Variants in PTPRD observed in about 807,000 individuals in gnomAD.
The protein encoded by PTPRD is receptor-type tyrosine-protein phosphatase delta.
PTPRD carries 34 observed loss-of-function variants against 214.5 expected under a neutral mutation model. That is an observed-to-expected ratio of 0.16 (90% confidence interval 0.12 to 0.21). The LOEUF (loss-of-function observed/expected upper bound fraction) is 0.21. Among genes scored for constraint, PTPRD ranks in the 10% least tolerant of loss-of-function variants. The pLI is 1.00. For synonymous variants in PTPRD, 1,128 were observed against 845.7 expected (o/e 1.33, Z -5.79); for missense variants, 2,545 against 2,398.7 (o/e 1.06, Z -1.27).
intron 14 of PTPRD, among the ~76,000 whole-genome samples, chr9:8,571,689 A>G (rs1594170865): frequency 6.6e-6 from 1 of 152,136 alleles, no homozygotes; most frequent in East Asian, 1.9e-4. Context: ...ATAAATAGAT[A>G]GTGTAAGTGG....
intron 4 of PTPRD, among the ~76,000 whole-genome samples, chr9:9,947,473 A>T (rs867739497): frequency 1.5e-4 from 5 of 32,810 alleles, no homozygotes; most frequent in Non-Finnish European, 9.2e-5. Context: ...ACTATATATT[A>T]TATATATTTT....
At chr9:9,827,327 G>C (rs1225794012) in intron 5 of PTPRD, among the ~76,000 whole-genome samples, 1 of 152,054 alleles carries the variant, frequency 6.6e-6, no homozygotes, top group Admixed American at 6.6e-5. Context: ...CAATGGAACA[G>C]AACAGAGCCC....
At chr9:9,073,438 C>A (rs1416368636) in intron 10 of PTPRD, among the ~76,000 whole-genome samples, 3 of 152,092 alleles carry the variant, frequency 2.0e-5, no homozygotes, top group Non-Finnish European at 4.4e-5. Context: ...GTTGTTTGGT[C>A]AAACACTTGT....
At chr9:9,301,561 T>G (rs1476559641) in intron 9 of PTPRD, among the ~76,000 whole-genome samples, 2 of 151,938 alleles carry the variant, frequency 1.3e-5, no homozygotes, top group Non-Finnish European at 2.9e-5. Context: ...TGTATTTACA[T>G]AATTTGTCAT....
intron 5 of PTPRD, among the ~76,000 whole-genome samples, chr9:9,839,089 T>C (rs989993603): frequency 3.9e-5 from 6 of 152,174 alleles, no homozygotes; most frequent in Non-Finnish European, 7.3e-5. Context: ...ATATGCGGCG[T>C]TATTTTTGAG....
At chr9:9,807,741 G>A (rs976832814) in intron 5 of PTPRD, among the ~76,000 whole-genome samples, 4 of 152,000 alleles carry the variant, frequency 2.6e-5, no homozygotes, top group Admixed American at 6.6e-5. Context: ...ATTCTTGATC[G>A]CTGAAAATTT....
chr9:10,121,083 T>C (rs1563944629), intron 3 of PTPRD, among the ~76,000 whole-genome samples: 1 of 152,176 alleles, frequency 6.6e-6, no homozygotes, highest in Admixed American at 6.6e-5. Context: ...GTCAAGGGTG[T>C]TTTTAAAATA....
chr9:9,716,683 C>T lies in PTPRD; in HGVS notation c.-287+17850G>A, dbSNP rs185950400. Reference sequence around the variant, plus strand: ...AGAAGTGTCTGTTCATGTCCTTTGCCCACTTTTTGATGGGGTTGTTTTTTT... The same window carrying T: ...AGAAGTGTCTGTTCATGTCCTTTGCTCACTTTTTGATGGGGTTGTTTTTTT... On this transcript the variant is annotated intron_variant, in intron 7 of 45. Transcript: ENST00000381196. Among the ~76,000 whole-genome samples the T allele has an allele frequency of 7.3e-3, 1,112 of 152,174 alleles. 12 individuals carry two copies. Among genetic ancestry groups the T allele is most frequent in the African/African-American group, 0.026 (1,071 of 41,506 alleles).
chr9:8,497,217 G>T lies in PTPRD; in HGVS notation c.2349+25C>A. On this transcript the variant is annotated intron_variant, in intron 26 of 45. Transcript: ENST00000381196. ...AAACAAGCATATATAGTCTGCTTTT[G>T]ACAAAACAGTCAAAAATTACTCACA... 1.9e-6 allele frequency: 3 copies of T among 1,576,640 alleles called. No homozygotes were observed. In the South Asian group the frequency reaches 3.6e-5, roughly 19 times the overall value.
intron 14 of PTPRD, among the ~76,000 whole-genome samples, chr9:8,617,023 G>A (rs73423260): frequency 0.012 from 1,868 of 152,064 alleles, 45 homozygotes; most frequent in African/African-American, 0.043. Context: ...GAGTACAACC[G>A]TACTCTACTT....
intron 11 of PTPRD, among the ~76,000 whole-genome samples, chr9:8,866,529 C>T (rs185973940): frequency 6.6e-6 from 1 of 152,234 alleles, no homozygotes; most frequent in East Asian, 1.9e-4. Flanking sequence ...AAAAAAACCT[C>T]AGTGGTTCAT....
intron 9 of PTPRD, among the ~76,000 whole-genome samples, chr9:9,338,791 C>A (rs1271641120): frequency 6.6e-6 from 1 of 152,054 alleles, no homozygotes; most frequent in Non-Finnish European, 1.5e-5. Flanking sequence ...TTGCTGCAAC[C>A]ATCAACCCAT....
At chr9:8,869,122 A>T (rs775577273) in intron 11 of PTPRD, among the ~76,000 whole-genome samples, 2 of 152,188 alleles carry the variant, frequency 1.3e-5, no homozygotes, top group Non-Finnish European at 2.9e-5. Flanking sequence ...CCTTGGAAGC[A>T]AATTGAAACT....
intron 8 of PTPRD, among the ~76,000 whole-genome samples, chr9:9,504,540 A>G (rs1021943995): frequency 2.0e-5 from 3 of 151,756 alleles, no homozygotes; most frequent in Non-Finnish European, 4.4e-5. Flanking sequence ...GCCTGCAGCT[A>G]ACATCACCAT....
chr9:10,314,940 G>A (rs563022000), intron 3 of PTPRD, among the ~76,000 whole-genome samples: 120 of 151,998 alleles, frequency 7.9e-4, no homozygotes, highest in African/African-American at 2.8e-3. Context: ...CTTCAGGGCT[G>A]TGGGACAAGA....
intron 2 of PTPRD, among the ~76,000 whole-genome samples, chr9:10,387,797 T>G (rs2097950569): frequency 7.4e-6 from 1 of 135,342 alleles, no homozygotes; most frequent in South Asian, 2.6e-4. Flanking sequence ...TGAATACGAT[T>G]TAAAAAAAAA....
intron 10 of PTPRD, among the ~76,000 whole-genome samples, chr9:9,069,227 G>C (rs775699435): frequency 1.3e-5 from 2 of 152,006 alleles, no homozygotes; most frequent in Non-Finnish European, 2.9e-5. Context: ...AATGAAAATA[G>C]CCCCAAATTA....
At chr9:8,522,278 C>G (rs1191155330) in intron 19 of PTPRD, among the ~76,000 whole-genome samples, 1 of 151,984 alleles carries the variant, frequency 6.6e-6, no homozygotes, top group African/African-American at 2.4e-5. Context: ...GGCTGGAATC[C>G]AAGACAGCAA....
At chr9:10,334,560 T>C (rs745535868) in intron 3 of PTPRD, among the ~76,000 whole-genome samples, 2 of 151,372 alleles carry the variant, frequency 1.3e-5, no homozygotes, top group Non-Finnish European at 3.0e-5. Flanking sequence ...CTGGAAATCA[T>C]AGATAATATT....
Sources: gnomAD v4.1 joint callset for allele counts (sites outside exome capture counted in the v4.1 genomes callset) on GRCh38, gnomAD v4.1.1 for gene constraint, MANE v1.5 for transcripts, NCBI Gene and HGNC (gene_info 2026-07-23, HGNC 2026-07-21) for gene names.